The following RGS6 variants were observed in gnomAD, a reference collection of about 807,000 sequenced individuals.
RGS6 encodes the protein regulator of G protein signaling 6.
In RGS6, 30 loss-of-function variants were observed where a neutral mutation model predicts 78.5. That is an observed-to-expected ratio of 0.38 (90% confidence interval 0.29 to 0.52). The LOEUF is 0.52. Among genes scored for constraint, RGS6 ranks in the 20% least tolerant of loss-of-function variants. The pLI, the probability that RGS6 is intolerant of heterozygous loss-of-function variation, is 0.85. For missense variants in RGS6, 495 were observed against 609.7 expected (o/e 0.81, Z 1.98); for synonymous variants, 206 against 206.0 (o/e 1.00, Z 0.00).
chr14:72,512,555 T>G (rs1436172948), intron 14 of RGS6, among the ~76,000 whole-genome samples: 1 of 152,142 alleles, frequency 6.6e-6, no homozygotes, highest in Non-Finnish European at 1.5e-5. Context: ...TGCCAGAGCC[T>G]AAGCCACACC....
intron 17 of RGS6, among the ~76,000 whole-genome samples, chr14:72,543,264 A>C (rs1010447075): frequency 6.6e-6 from 1 of 152,188 alleles, no homozygotes; most frequent in Admixed American, 6.5e-5. Flanking sequence ...CAGGCAAAAC[A>C]CAGGCTGGGT....
intron 2 of RGS6, among the ~76,000 whole-genome samples, chr14:72,058,659 G>A (rs997849985): frequency 1.2e-4 from 19 of 152,162 alleles, no homozygotes; most frequent in African/African-American, 4.3e-4. Context: ...CCTATAGCTA[G>A]TGAATGGCCC....
intron 12 of RGS6, among the ~76,000 whole-genome samples, chr14:72,479,990 G>A (rs1350833115): frequency 1.3e-5 from 2 of 152,202 alleles, no homozygotes; most frequent in African/African-American, 2.4e-5. Flanking sequence ...ATATATGGGA[G>A]CATCTGTTTC....
At chr14:72,021,464 C>CTTTTTT (rs533727083) in intron 2 of RGS6, among the ~76,000 whole-genome samples, 2 of 122,390 alleles carry the variant, frequency 1.6e-5, no homozygotes, top group Non-Finnish European at 3.3e-5. Flanking sequence ...CTTTTTCTAA[C>CTTTTTT]TTTTTTTTTT....
intron 2 of RGS6, among the ~76,000 whole-genome samples, chr14:72,038,144 A>G (rs975817904): frequency 6.6e-6 from 1 of 151,684 alleles, no homozygotes; most frequent in Non-Finnish European, 1.5e-5. Context: ...TAATTTTTGT[A>G]TTTTTAATAG....
intron 2 of RGS6, among the ~76,000 whole-genome samples, chr14:72,248,992 T>C (rs2054941595): frequency 6.6e-6 from 1 of 152,194 alleles, no homozygotes. Flanking sequence ...ATAAAACTTA[T>C]TTCTGTAGGG....
chr14:72,009,984 A>G (rs1008524095), intron 2 of RGS6, among the ~76,000 whole-genome samples: 1 of 152,240 alleles, frequency 6.6e-6, no homozygotes, highest in Non-Finnish European at 1.5e-5. Flanking sequence ...GCCTAGAAGA[A>G]TCAATCGCAG....
intron 2 of RGS6, among the ~76,000 whole-genome samples, chr14:71,995,946 G>C (rs1393149005): frequency 6.6e-6 from 1 of 152,110 alleles, no homozygotes; most frequent in Non-Finnish European, 1.5e-5. Flanking sequence ...CGAGTCCCCT[G>C]TGCTTTCTGC....
At chr14:72,189,148 T>A (rs941251603) in intron 2 of RGS6, among the ~76,000 whole-genome samples, 2 of 152,172 alleles carry the variant, frequency 1.3e-5, no homozygotes, top group South Asian at 4.1e-4. Context: ...GCCAAAACTA[T>A]GGATAATATT....
chr14:72,265,058 G>T (rs2058807406), intron 2 of RGS6, among the ~76,000 whole-genome samples: 1 of 152,180 alleles, frequency 6.6e-6, no homozygotes, highest in Non-Finnish European at 1.5e-5. Flanking sequence ...CAATGTGGGA[G>T]AATGGAATTA....
chr14:72,602,873 A>G, the RGS6 span, among the ~76,000 whole-genome samples: 3 of 152,250 alleles, frequency 2.0e-5, no homozygotes, highest in Non-Finnish European at 2.9e-5. Context: ...ACGTTGAGAA[A>G]GGCAGTCCTT....
the RGS6 span, among the ~76,000 whole-genome samples, chr14:72,580,964 C>T: frequency 2.0e-5 from 3 of 152,330 alleles, no homozygotes; most frequent in South Asian, 6.2e-4. Flanking sequence ...GTGGTTGGCT[C>T]AGGAACCCTT....
intron 17 of RGS6, among the ~76,000 whole-genome samples, chr14:72,559,340 G>A (rs1473716409): frequency 6.6e-6 from 1 of 152,222 alleles, no homozygotes; most frequent in Non-Finnish European, 1.5e-5. Context: ...CAGCTCTTCA[G>A]AAGGGAAGCA....
At chr14:72,241,215 A>G (rs2052725347) in intron 2 of RGS6, among the ~76,000 whole-genome samples, 1 of 152,112 alleles carries the variant, frequency 6.6e-6, no homozygotes, top group Non-Finnish European at 1.5e-5. Context: ...AGAGAAGGAA[A>G]AGAAAAAAAG....
chr14:71,934,871 A>G (rs1345939190), intron 1 of RGS6, among the ~76,000 whole-genome samples: 1 of 152,166 alleles, frequency 6.6e-6, no homozygotes, highest in African/African-American at 2.4e-5. Context: ...ATTGCTGAAC[A>G]TTCTGTTTCG....
At chr14:72,371,898 A>C (rs1043861318) in intron 3 of RGS6, among the ~76,000 whole-genome samples, 1 of 152,216 alleles carries the variant, frequency 6.6e-6, no homozygotes. Flanking sequence ...TGCAGTGGAC[A>C]TCATGCTCTG....
rs796086967 is a variant in RGS6, at chr14:72,293,312, G to C, written c.85-58783G>C. On this transcript the variant is annotated intron_variant, in intron 2 of 17. Coordinates refer to ENST00000553525, the MANE Select transcript of RGS6 (RefSeq NM_001204424.2). ...ATAGTCCCTCTGCATGTTGAAGATT[G>C]CTGAGACAGCACAGAAAAATAGTAA... is the stretch of plus-strand genomic sequence containing the variant. 1.8e-4 allele frequency among the ~76,000 whole-genome samples: 27 copies of C among 152,278 alleles called. 1 individual carries two copies. Among genetic ancestry groups the C allele is most frequent in the African/African-American group, 6.0e-4 (25 of 41,548 alleles).
At chr14:72,226,692 C>T (rs186427366) in intron 2 of RGS6, among the ~76,000 whole-genome samples, 4 of 152,308 alleles carry the variant, frequency 2.6e-5, no homozygotes, top group African/African-American at 7.2e-5. Flanking sequence ...GATTCTTATA[C>T]ACTTTATTGA....
chr14:72,560,105 T>C (rs1427787015), intron 17 of RGS6, among the ~76,000 whole-genome samples: 1 of 143,546 alleles, frequency 7.0e-6, no homozygotes, highest in Non-Finnish European at 1.5e-5. Flanking sequence ...GAAGCTTGAG[T>C]GATTTTTTTT....
Sources: allele counts gnomAD v4.1 joint callset (sites outside exome capture counted in the v4.1 genomes callset), GRCh38; gene constraint gnomAD v4.1.1; transcripts MANE v1.5; gene names NCBI Gene and HGNC (gene_info 2026-07-23, HGNC 2026-07-21).